COL25A1: variants seen among roughly 807,000 people sequenced by gnomAD.
The protein encoded by COL25A1 is collagen alpha-1(XXV) chain.
In COL25A1, 103 loss-of-function variants were observed where a neutral mutation model predicts 128.4. The observed-to-expected ratio is 0.80, with a 90% CI of 0.68 to 0.94. The LOEUF is 0.94. Ranked by LOEUF, COL25A1 falls within the 40% of genes least tolerant of loss-of-function variation. The probability of loss-of-function intolerance (pLI) is 0.00; values close to 1 mark genes in which losing one functional copy is unlikely to be tolerated. For synonymous variants in COL25A1, 279 were observed against 277.2 expected (o/e 1.01, Z -0.06); for missense variants, 745 against 840.0 (o/e 0.89, Z 1.40).
At chr4:109,116,674 A>G (rs2126046930) in intron 3 of COL25A1, among the ~76,000 whole-genome samples, 1 of 152,222 alleles carries the variant, frequency 6.6e-6, no homozygotes, top group East Asian at 1.9e-4. Context: ...TCAGAACCAG[A>G]GTCAGATATG....
chr4:109,211,604 GA>G (rs993139032), intron 3 of COL25A1, among the ~76,000 whole-genome samples: 2 of 150,306 alleles, frequency 1.3e-5, no homozygotes, highest in East Asian at 3.9e-4. Flanking sequence ...AAGATATTCA[GA>G]AAAAAAACTT....
chr4:109,083,448 ATTT>A (rs60165291), intron 3 of COL25A1, among the ~76,000 whole-genome samples: 2,573 of 77,038 alleles, frequency 0.033, 191 homozygotes, highest in African/African-American at 0.11. Context: ...CACTAAATAA[ATTT>A]TTTTTTTTTT....
intron 3 of COL25A1, among the ~76,000 whole-genome samples, chr4:109,198,013 G>T (rs1776260314): frequency 6.6e-6 from 1 of 151,534 alleles, no homozygotes; most frequent in Non-Finnish European, 1.5e-5. Context: ...CTGCTTCTTT[G>T]TAACAGCAAG....
chr4:108,971,469 G>A (rs975601725), intron 8 of COL25A1, among the ~76,000 whole-genome samples: 8 of 152,290 alleles, frequency 5.3e-5, no homozygotes, highest in African/African-American at 1.9e-4. Flanking sequence ...TCTCTCAGAG[G>A]AGGTGATATT....
chr4:109,210,132 A>C (rs770065800), intron 3 of COL25A1, among the ~76,000 whole-genome samples: 2 of 151,582 alleles, frequency 1.3e-5, no homozygotes, highest in Non-Finnish European at 2.9e-5. Flanking sequence ...GTGATGAAAC[A>C]ATTTGGGAAG....
intron 3 of COL25A1, among the ~76,000 whole-genome samples, chr4:109,091,565 A>G (rs1764913234): frequency 6.6e-6 from 1 of 152,152 alleles, no homozygotes; most frequent in Non-Finnish European, 1.5e-5. Context: ...CAAACCCACA[A>G]CACCTAACAC....
At chr4:109,177,482 C>T (rs151228120) in intron 3 of COL25A1, among the ~76,000 whole-genome samples, 95 of 152,304 alleles carry the variant, frequency 6.2e-4, no homozygotes, top group African/African-American at 2.1e-3. Context: ...TCTGACAGGT[C>T]TCCTCCTTGA....
chr4:108,873,022 A>T (rs1738956764), intron 19 of COL25A1, among the ~76,000 whole-genome samples: 1 of 151,902 alleles, frequency 6.6e-6, no homozygotes, highest in African/African-American at 2.4e-5. Context: ...CTTCCTGAGT[A>T]GCTTGGACTA....
intron 31 of COL25A1, among the ~76,000 whole-genome samples, chr4:108,836,914 A>C (rs1275826860): frequency 6.6e-6 from 1 of 152,066 alleles, no homozygotes; most frequent in Non-Finnish European, 1.5e-5. Context: ...CCCTGTCTCT[A>C]CTAAAAATAG....
chr4:109,112,660 AG>A (rs761975490), intron 3 of COL25A1, among the ~76,000 whole-genome samples: 26 of 152,146 alleles, frequency 1.7e-4, no homozygotes, highest in Non-Finnish European at 3.4e-4. Context: ...CAAAAAAGAA[AG>A]AAAAATGATA....
chr4:109,277,110 A>C (rs1266572816), intron 3 of COL25A1, among the ~76,000 whole-genome samples: 1 of 152,222 alleles, frequency 6.6e-6, no homozygotes, highest in Non-Finnish European at 1.5e-5. Flanking sequence ...CAAATTGTGC[A>C]TCATGTAATA....
chr4:109,058,108 A>T (rs577968591), intron 3 of COL25A1, among the ~76,000 whole-genome samples: 36 of 152,288 alleles, frequency 2.4e-4, no homozygotes, highest in African/African-American at 7.9e-4. Context: ...TTCCATAGAA[A>T]CTGTTCAAGA....
intron 8 of COL25A1, among the ~76,000 whole-genome samples, chr4:108,965,365 T>TTAG (rs1560943151): frequency 2.0e-5 from 3 of 152,222 alleles, no homozygotes; most frequent in Non-Finnish European, 4.4e-5. Context: ...TTATCAGGAC[T>TTAG]CTGTGTTATT....
At position 108,809,209 on chromosome 4, in the gene COL25A1, A is replaced by ATTTTTTTTTTTTTTTTT. The variant is rs1730611535; in HGVS notation, c.*4717_*4718insAAAAAAAAAAAAAAAAA. 6.6e-6 allele frequency: 1 copy of ATTTTTTTTTTTTTTTTT among 152,158 alleles called. No individual in the cohort carries two copies. The highest frequency in any genetic ancestry group is 2.4e-5 in the African/African-American group (1 of 41,532). 9.4% of individuals were successfully genotyped at this position (152,158 alleles called of 1,614,324 possible). ...ATATTTTTTTTTGCATATTTCACTTATTTTGTATTTATGTGAGTTTTTGGC... is the reference window on the plus strand; with the variant it reads ...ATATTTTTTTTTGCATATTTCACTTATTTTTTTTTTTTTTTTTTTTTGTATTTATGTGAGTTTTTGGC... On this transcript the variant is annotated 3_prime_UTR_variant, in exon 38 of 38. Transcript: ENST00000399132.
chr4:109,113,341 G>T (rs1204730650), intron 3 of COL25A1, among the ~76,000 whole-genome samples: 1 of 152,030 alleles, frequency 6.6e-6, no homozygotes, highest in Non-Finnish European at 1.5e-5. Flanking sequence ...CACATTTTTA[G>T]GGAATTCCAA....
chr4:108,816,356 G>A (rs1402209017), intron 37 of COL25A1, among the ~76,000 whole-genome samples: 1 of 152,118 alleles, frequency 6.6e-6, no homozygotes, highest in Non-Finnish European at 1.5e-5. Flanking sequence ...ACATAGTTTT[G>A]CTATAATTTT....
At chr4:108,864,573 T>C (rs928186772) in intron 20 of COL25A1, among the ~76,000 whole-genome samples, 7 of 152,202 alleles carry the variant, frequency 4.6e-5, no homozygotes, top group African/African-American at 1.4e-4. Context: ...GAGCTAGTGA[T>C]CTAGTTAGGC....
At chr4:108,893,740 T>G (rs1741802994) in intron 16 of COL25A1, among the ~76,000 whole-genome samples, 1 of 152,174 alleles carries the variant, frequency 6.6e-6, no homozygotes, top group Non-Finnish European at 1.5e-5. Flanking sequence ...AAACGATGAA[T>G]GAGTTTCACA....
At chr4:108,851,434 G>C (rs372173215) in intron 26 of COL25A1, among the ~76,000 whole-genome samples, 2 of 152,160 alleles carry the variant, frequency 1.3e-5, no homozygotes, top group African/African-American at 4.8e-5. Context: ...AAGCTGATAC[G>C]TGTGAGTGTG....
Sources: allele counts gnomAD v4.1 joint callset (sites outside exome capture counted in the v4.1 genomes callset), GRCh38; gene constraint gnomAD v4.1.1; transcripts MANE v1.5; gene names NCBI Gene and HGNC (gene_info 2026-07-23, HGNC 2026-07-21).